The following LRP1B variants were observed in gnomAD, a reference collection of about 807,000 sequenced individuals.
LRP1B encodes the protein low-density lipoprotein receptor-related protein 1B.
Under a neutral mutation model 556.6 loss-of-function variants are expected in LRP1B, and 217 were observed. The observed-to-expected ratio is 0.39, with a 90% confidence interval of 0.35 to 0.44. The LOEUF (loss-of-function observed/expected upper bound fraction) is 0.44. Among genes scored for constraint, LRP1B ranks in the 20% least tolerant of loss-of-function variants. The pLI is 1.00. For synonymous variants in LRP1B, 2,047 were observed against 1,865.8 expected, an observed-to-expected ratio of 1.10 and a Z score of -2.50; for missense variants, 5,053 against 5,620.8, an observed-to-expected ratio of 0.90 and a Z score of 3.23.
At chr2:140,710,003 A>G (rs1686977388) in intron 37 of LRP1B, among the ~76,000 whole-genome samples, 1 of 152,200 alleles carries the variant, frequency 6.6e-6, no homozygotes, top group East Asian at 1.9e-4. Flanking sequence ...ACTCTTAACT[A>G]TGAATATGGA....
chr2:141,226,124 C>A (rs7419972), intron 6 of LRP1B, among the ~76,000 whole-genome samples: 79,864 of 150,812 alleles, frequency 0.53, 22,975 homozygotes, highest in Non-Finnish European at 0.63. Flanking sequence ...TTTTCCCCCC[C>A]AAAAAAAACC....
intron 7 of LRP1B, among the ~76,000 whole-genome samples, chr2:141,109,117 T>C (rs1269560942): frequency 3.9e-5 from 6 of 152,316 alleles, no homozygotes; most frequent in African/African-American, 4.8e-5. Flanking sequence ...GGCCACCTGA[T>C]GGCCCCACCC....
At chr2:140,833,344 C>T (rs78775440) in intron 31 of LRP1B, among the ~76,000 whole-genome samples, 8,526 of 152,192 alleles carry the variant, frequency 0.056, 353 homozygotes, top group African/African-American at 0.1. Flanking sequence ...CAGTAGGAGG[C>T]GTTCTTTACC....
At chr2:141,506,719 G>A (rs540625663) in intron 2 of LRP1B, among the ~76,000 whole-genome samples, 83 of 151,848 alleles carry the variant, frequency 5.5e-4, no homozygotes, top group African/African-American at 2.0e-3. Flanking sequence ...TTGCACTTTT[G>A]GACGGCTATA....
At chr2:140,921,368 T>C (rs1217919886) in intron 21 of LRP1B, among the ~76,000 whole-genome samples, 1 of 152,084 alleles carries the variant, frequency 6.6e-6, no homozygotes, top group East Asian at 1.9e-4. Flanking sequence ...TTAAAAACTG[T>C]TACCTGCTGT....
intron 84 of LRP1B, among the ~76,000 whole-genome samples, chr2:140,291,319 T>TATATATATA (rs1553440647): frequency 1.7e-5 from 1 of 57,430 alleles, no homozygotes; most frequent in East Asian, 4.4e-4. Context: ...TATATATATA[T>TATATATATA]TTTTATTATA....
At chr2:141,483,602 C>T (rs1683005802) in intron 2 of LRP1B, among the ~76,000 whole-genome samples, 1 of 151,626 alleles carries the variant, frequency 6.6e-6, no homozygotes, top group South Asian at 2.1e-4. Flanking sequence ...GTTCCTATTT[C>T]TCCACATCCT....
chr2:140,496,180 A>G (rs80329688), intron 55 of LRP1B, among the ~76,000 whole-genome samples: 6,112 of 152,228 alleles, frequency 0.04, 171 homozygotes, highest in Non-Finnish European at 0.047. Flanking sequence ...TTTGAGCAGT[A>G]TAGAAATCTC....
chr2:142,027,429 TG>T (rs1289772706), intron 1 of LRP1B, among the ~76,000 whole-genome samples: 3 of 151,830 alleles, frequency 2.0e-5, no homozygotes, highest in Non-Finnish European at 2.9e-5. Flanking sequence ...TCTATAAATA[TG>T]GTAATTGGAC....
At position 140,528,614 on chromosome 2, in the gene LRP1B, C is replaced by T. The variant is rs141725064; in HGVS notation, c.7763-2264G>A. On this transcript the variant is annotated intron_variant, in intron 47 of 90. Transcript: ENST00000389484. ...ACAGATTGTCCCTTTGTACCTGATC[C>T]TGTCTCCACATATTGCATTATTTGG... is the stretch of plus-strand genomic sequence containing the variant. Among the ~76,000 whole-genome samples, 811 of 151,860 alleles carry T rather than the reference C, an allele frequency of 5.3e-3. 6 individuals are homozygous for T. Among genetic ancestry groups the T allele is most frequent in the African/African-American group, 0.018 (734 of 41,490 alleles).
intron 1 of LRP1B, among the ~76,000 whole-genome samples, chr2:142,028,384 C>T (rs1703576879): frequency 6.6e-6 from 1 of 151,968 alleles, no homozygotes; most frequent in Non-Finnish European, 1.5e-5. Flanking sequence ...CCTATTCATT[C>T]TTCCAGTTTT....
intron 1 of LRP1B, among the ~76,000 whole-genome samples, chr2:142,017,531 C>T (rs1034795558): frequency 6.6e-6 from 1 of 151,938 alleles, no homozygotes; most frequent in African/African-American, 2.4e-5. Flanking sequence ...AGCAGCCTGG[C>T]ACATAGAAGG....
At chr2:141,659,521 T>A (rs148335489) in intron 2 of LRP1B, among the ~76,000 whole-genome samples, 145 of 152,166 alleles carry the variant, frequency 9.5e-4, no homozygotes, top group African/African-American at 2.8e-3. Flanking sequence ...AACAATGACT[T>A]ATGCTGCATA....
At chr2:141,267,369 A>G (rs1469883267) in intron 3 of LRP1B, among the ~76,000 whole-genome samples, 5 of 152,168 alleles carry the variant, frequency 3.3e-5, no homozygotes, top group Non-Finnish European at 1.5e-5. Context: ...TATGAATATT[A>G]AAAAATATAA....
chr2:141,272,862 A>G (rs1220047958), intron 3 of LRP1B, among the ~76,000 whole-genome samples: 1 of 152,228 alleles, frequency 6.6e-6, no homozygotes, highest in Non-Finnish European at 1.5e-5. Context: ...AGAATTCAAG[A>G]AAAATAGTTG....
At chr2:141,421,149 G>C (rs1232835663) in intron 3 of LRP1B, among the ~76,000 whole-genome samples, 1 of 152,160 alleles carries the variant, frequency 6.6e-6, no homozygotes, top group Non-Finnish European at 1.5e-5. Context: ...GGAGGAACAA[G>C]GGCTGCAACT....
At chr2:141,154,621 C>G (rs193255083) in intron 7 of LRP1B, among the ~76,000 whole-genome samples, 4 of 151,678 alleles carry the variant, frequency 2.6e-5, no homozygotes, top group Non-Finnish European at 4.4e-5. Flanking sequence ...CTTATTTTAT[C>G]AGAATGTTTT....
At chr2:141,374,158 T>A (rs1689342613) in intron 3 of LRP1B, among the ~76,000 whole-genome samples, 2 of 152,108 alleles carry the variant, frequency 1.3e-5, no homozygotes, top group African/African-American at 4.8e-5. Context: ...AAAAACACTG[T>A]ATTTCCTTTA....
chr2:141,665,683 C>T (rs369030469), intron 2 of LRP1B, among the ~76,000 whole-genome samples: 61 of 152,180 alleles, frequency 4.0e-4, no homozygotes, highest in South Asian at 6.2e-4. Flanking sequence ...AACGCAAATG[C>T]GCATCAATGA....
Sources: allele counts gnomAD v4.1 joint callset (sites outside exome capture counted in the v4.1 genomes callset), GRCh38; gene constraint gnomAD v4.1.1; transcripts MANE v1.5; gene names NCBI Gene and HGNC (gene_info 2026-07-23, HGNC 2026-07-21).